Variants in MAP3K2 observed in about 807,000 individuals in gnomAD.
The protein encoded by MAP3K2 is MAP/ERK kinase kinase 2.
MAP3K2 carries 24 observed loss-of-function variants against 80.3 expected under a neutral mutation model. The ratio of observed to expected loss-of-function variants is 0.30; its 90% CI spans 0.22 to 0.42. The LOEUF (loss-of-function observed/expected upper bound fraction) is 0.42. MAP3K2 is among the 10% of genes least tolerant of loss of function. The pLI is 1.00. For missense variants in MAP3K2, 608 were observed against 750.1 expected, an observed-to-expected ratio of 0.81 and a Z score of 2.21; for synonymous variants, 244 against 253.7, an observed-to-expected ratio of 0.96 and a Z score of 0.36.
intron 1 of MAP3K2, among the ~76,000 whole-genome samples, chr2:127,378,890 T>C (rs893939204): frequency 1.6e-4 from 25 of 152,082 alleles, no homozygotes; most frequent in African/African-American, 6.0e-4. Flanking sequence ...CCTCAGCCTT[T>C]TGAGTAATCC....
At chr2:127,334,963 G>A (rs1158913095) in intron 5 of MAP3K2, among the ~76,000 whole-genome samples, 1 of 152,078 alleles carries the variant, frequency 6.6e-6, no homozygotes, top group Non-Finnish European at 1.5e-5. Context: ...TAGAGATGGG[G>A]TTTTACCACT....
intron 1 of MAP3K2, among the ~76,000 whole-genome samples, chr2:127,369,504 A>G: frequency 6.7e-6 from 1 of 149,960 alleles, no homozygotes; most frequent in East Asian, 2.0e-4. Flanking sequence ...AACAGCAAAT[A>G]AACAAGTAAA....
chr2:127,315,286 G>T (rs147869777), intron 14 of MAP3K2, among the ~76,000 whole-genome samples: 2 of 152,324 alleles, frequency 1.3e-5, no homozygotes, highest in African/African-American at 4.8e-5. Flanking sequence ...CTTCCCTAGT[G>T]ATTCCAATGT....
At chr2:127,323,044 T>A (rs1558976451) in intron 11 of MAP3K2, among the ~76,000 whole-genome samples, 1 of 149,940 alleles carries the variant, frequency 6.7e-6, no homozygotes. Context: ...GGCAGGCAGA[T>A]CACTTGAGCC....
intron 1 of MAP3K2, among the ~76,000 whole-genome samples, chr2:127,345,361 G>T (rs891018589): frequency 6.6e-6 from 1 of 152,134 alleles, no homozygotes; most frequent in African/African-American, 2.4e-5. Flanking sequence ...CCTAACAACA[G>T]AATCGCAAAA....
In MAP3K2 at chr2:127,387,668, G is replaced by A. The variant is rs1466448086; in HGVS notation, c.-282C>T. 80 of 985,004 alleles carry A rather than the reference G, an allele frequency of 8.1e-5. No individual in the cohort carries two copies. Among genetic ancestry groups the A allele is most frequent in the Non-Finnish European group, 9.0e-5 (75 of 829,864 alleles). The allele number at this position is 985,004 out of a possible 1,614,324, so 61.0% of individuals were successfully genotyped here. ...TGAAGCCCGGGCCGGGCGGGGTGGC[G>A]GGCGCGTGAATCCTCGCAGCCGGCC... On this transcript the variant is annotated 5_prime_UTR_variant, in exon 1 of 17. Coordinates refer to ENST00000682094, the MANE Select transcript of MAP3K2 (RefSeq NM_001371910.2).
intron 14 of MAP3K2, 50 bp from the exon 15 acceptor site, chr2:127,314,933 G>A: frequency 8.2e-6 from 11 of 1,334,580 alleles, no homozygotes; most frequent in Non-Finnish European, 1.1e-5. Flanking sequence ...GGTTTGAAAT[G>A]AAAACTGCTA....
intron 1 of MAP3K2, among the ~76,000 whole-genome samples, chr2:127,363,736 T>C (rs1048334075): frequency 2.2e-4 from 34 of 152,192 alleles, no homozygotes; most frequent in African/African-American, 7.0e-4. Context: ...AGAGTCTCAC[T>C]CTGTCACCTA....
intron 1 of MAP3K2, among the ~76,000 whole-genome samples, chr2:127,352,108 C>T (rs1339331613): frequency 6.6e-6 from 1 of 152,010 alleles, no homozygotes; most frequent in Non-Finnish European, 1.5e-5. Flanking sequence ...AACTTCTGGG[C>T]ACAAGCAATC....
chr2:127,357,369 G>A (rs1686814545), intron 1 of MAP3K2, among the ~76,000 whole-genome samples: 1 of 152,144 alleles, frequency 6.6e-6, no homozygotes, highest in Non-Finnish European at 1.5e-5. Context: ...TGTTCCTGTA[G>A]TCCCAACTAC....
In MAP3K2 at chr2:127,306,993, A is replaced by C. The variant is rs576959383; in HGVS notation, c.*586T>G. 5 of 152,550 alleles carry C rather than the reference A, an allele frequency of 3.3e-5. No homozygotes were observed. Among genetic ancestry groups the C allele is most frequent in the African/African-American group, 9.7e-5 (4 of 41,408 alleles). 9.4% of individuals were successfully genotyped at this position (152,550 alleles called of 1,614,324 possible). On this transcript the variant is annotated 3_prime_UTR_variant, in exon 17 of 17. Transcript: ENST00000682094. This position sits in a 1 kb window ranked among gnomAD's most constrained non-coding sequence, Gnocchi z 4.7. ...AAATAAACATACCTCTCAGAGATTC[A>C]TATCTTCTATCAAGACTCCTACTGA...
chr2:127,308,618 C>A lies in MAP3K2; in HGVS notation c.1601G>T (p.Ser534Ile). The A allele has an allele frequency of 6.3e-7, 1 of 1,596,586 alleles. No homozygotes were observed. The highest frequency in any genetic ancestry group is 8.6e-7 in the Non-Finnish European group (1 of 1,167,886). Reference protein sequence around the residue: ...TPYWMSPEVISGEGYGRKADI... With the variant: ...TPYWMSPEVIIGEGYGRKADI... ...TGCTTTTCTTCCATAGCCTTCTCCA[C>A]TGATGACTTCAGGGCTCATCCAGTA... The change falls in exon 16 of 17, where the codon AGT becomes ATT. Residue 534 changes from serine to isoleucine, a missense_variant. Physicochemically the swap from Ser to Ile is moderately radical, Grantham distance 142. This residue lies in a region of MAP3K2 where 88 missense variants were observed against 132.4 expected (regional missense o/e 0.66). Coordinates refer to ENST00000682094, the MANE Select transcript of MAP3K2 (RefSeq NM_001371910.2).
intron 5 of MAP3K2, among the ~76,000 whole-genome samples, chr2:127,330,977 A>G (rs1198862328): frequency 2.6e-5 from 4 of 152,178 alleles, no homozygotes; most frequent in Non-Finnish European, 4.4e-5. Flanking sequence ...AGCACCTGCC[A>G]TGGAGGACAG....
intron 1 of MAP3K2, 43 bp from the exon 2 acceptor site, chr2:127,343,237 GA>G: frequency 4.1e-6 from 3 of 736,930 alleles, no homozygotes; most frequent in South Asian, 2.3e-5. Context: ...AAAAGAAACA[GA>G]AAAGGAGCCA....
At chr2:127,370,185 A>G (rs1405548264) in intron 1 of MAP3K2, among the ~76,000 whole-genome samples, 1 of 152,228 alleles carries the variant, frequency 6.6e-6, no homozygotes, top group Non-Finnish European at 1.5e-5. Flanking sequence ...TTGTCATTAA[A>G]TCTATACTGA....
rs944174030 is a variant in MAP3K2 at position 127,387,505 on chromosome 2, G to A, written c.-119C>T. The A allele has an allele frequency of 9.1e-6, 9 of 984,718 alleles. No homozygotes were observed. In the East Asian group the frequency reaches 6.8e-4, roughly 75 times the overall value. The allele number at this position is 984,718 out of a possible 1,614,324, so 61.0% of individuals were successfully genotyped here. A position where few individuals can be genotyped will look rare whatever the true frequency, so the allele number is the denominator to read the frequency against. On this transcript the variant is annotated 5_prime_UTR_variant, in exon 1 of 17. Transcript: ENST00000682094. Reference sequence around the variant, plus strand: ...GCAGGCCCAAGGAGGGGCCGCCCCCGCCGAGCCCGCCCCTCCGCCCCAGCG... The same window carrying A: ...GCAGGCCCAAGGAGGGGCCGCCCCCACCGAGCCCGCCCCTCCGCCCCAGCG...
chr2:127,338,767 T>A (rs1232237523), intron 3 of MAP3K2, among the ~76,000 whole-genome samples, 165 bp downstream of exon 3: 1 of 152,210 alleles, frequency 6.6e-6, no homozygotes, highest in Non-Finnish European at 1.5e-5. Context: ...ACGTCTTTGC[T>A]ACTGTTAATA....
chr2:127,387,744 C>A lies in MAP3K2; in HGVS notation c.-358G>T. ...TTCTAGCCGCTGCAACCCCGAGGCC[C>A]GCGGGAACTGGGCAGGAAAGGAGGA... is the stretch of plus-strand genomic sequence containing the variant. On this transcript the variant is annotated 5_prime_UTR_variant, in exon 1 of 17. Coordinates refer to ENST00000682094, the MANE Select transcript of MAP3K2 (RefSeq NM_001371910.2). 1 of 984,984 alleles carries A rather than the reference C, an allele frequency of 1.0e-6. No homozygotes were observed. Among genetic ancestry groups the A allele is most frequent in the African/African-American group, 1.7e-5 (1 of 57,306 alleles). 61.0% of individuals were successfully genotyped at this position (984,984 alleles called of 1,614,324 possible).
Position 127,307,583 on chromosome 2 carries a change from T to A in MAP3K2, c.1856A>T (p.His619Leu). 6.4e-7 allele frequency: 1 copy of A among 1,561,868 alleles called. No homozygotes were observed. Among genetic ancestry groups the A allele is most frequent in the South Asian group, 1.2e-5 (1 of 84,786 alleles). The change falls in exon 17 of 17, where the codon CAC (histidine) becomes CTC (leucine). Residue 619 changes from histidine to leucine, a missense_variant. Physicochemically the swap from His to Leu is moderately conservative, Grantham distance 99. Transcript: ENST00000682094. This position sits in a 1 kb window ranked among gnomAD's most constrained non-coding sequence, Gnocchi z 5.4. ...CACAGGAGAGGTTACTGGCTGCTAG[T>A]GATAATGCACAAACATGTGCCTTAA... ...ELLRHMFVHY[H>L]
Sources: gnomAD v4.1 joint callset for allele counts (sites outside exome capture counted in the v4.1 genomes callset) on GRCh38, gnomAD v4.1.1 for gene constraint, gnomAD v4.1.1 regional missense constraint, Gnocchi (gnomAD v3.1) non-coding constraint, MANE v1.5 for transcripts, NCBI Gene and HGNC (gene_info 2026-07-23, HGNC 2026-07-21) for gene names.